The following MIPOL1 variants were observed in gnomAD, a reference collection of about 807,000 sequenced individuals.
The protein encoded by MIPOL1 is mirror-image polydactyly 1.
MIPOL1 carries 57 observed loss-of-function variants against 60.9 expected under a neutral mutation model. That is an observed-to-expected ratio of 0.94 (90% confidence interval 0.76 to 1.17). MIPOL1 has a LOEUF of 1.17. MIPOL1 is among the 50% of genes most tolerant of loss of function. The probability of loss-of-function intolerance (pLI) is 0.00; values close to 1 mark genes in which losing one functional copy is unlikely to be tolerated. For missense variants in MIPOL1, 551 were observed against 511.6 expected (o/e 1.08, Z -0.74); for synonymous variants, 179 against 168.8 (o/e 1.06, Z -0.47).
chr14:37,358,865 T>G (rs1284580415), intron 9 of MIPOL1, among the ~76,000 whole-genome samples: 1 of 152,218 alleles, frequency 6.6e-6, no homozygotes, highest in Non-Finnish European at 1.5e-5. Context: ...ATTTTGGCTT[T>G]TGTTGCCCTT....
At chr14:37,474,832 G>A (rs1467780434) in intron 11 of MIPOL1, among the ~76,000 whole-genome samples, 1 of 152,146 alleles carries the variant, frequency 6.6e-6, no homozygotes, top group East Asian at 1.9e-4. Flanking sequence ...AATAATTAGT[G>A]TGGTAGTATA....
chr14:37,305,310 A>G (rs2086689872), intron 7 of MIPOL1, among the ~76,000 whole-genome samples: 2 of 151,858 alleles, frequency 1.3e-5, no homozygotes, highest in African/African-American at 4.8e-5. Flanking sequence ...GTGCATTAAC[A>G]TCAAAGATCT....
chr14:37,255,676 G>A (rs534359323), intron 3 of MIPOL1, among the ~76,000 whole-genome samples: 1 of 151,802 alleles, frequency 6.6e-6, no homozygotes, highest in Admixed American at 6.6e-5. Flanking sequence ...CAAATTTAGA[G>A]CAAGTCAGGC....
chr14:37,330,504 C>T (rs1197221173), intron 9 of MIPOL1, among the ~76,000 whole-genome samples: 1 of 151,988 alleles, frequency 6.6e-6, no homozygotes, highest in Non-Finnish European at 1.5e-5. Flanking sequence ...AATTAACAGT[C>T]CTCAATATAA....
At chr14:37,289,811 C>T (rs1313842380) in intron 7 of MIPOL1, among the ~76,000 whole-genome samples, 1 of 152,144 alleles carries the variant, frequency 6.6e-6, no homozygotes, top group Non-Finnish European at 1.5e-5. Flanking sequence ...AAAGTCACAA[C>T]GTTTTAATCA....
chr14:37,217,445 AAG>A (rs1296212727), intron 1 of MIPOL1, among the ~76,000 whole-genome samples: 6 of 152,228 alleles, frequency 3.9e-5, no homozygotes, highest in African/African-American at 7.2e-5. Flanking sequence ...ACATCAAAAA[AAG>A]AAAGCCACAG....
At chr14:37,365,260 G>T (rs551567386) in intron 9 of MIPOL1, among the ~76,000 whole-genome samples, 1 of 152,290 alleles carries the variant, frequency 6.6e-6, no homozygotes, top group South Asian at 2.1e-4. Context: ...TAACAGTGGT[G>T]CAAGTGGGCA....
intron 9 of MIPOL1, among the ~76,000 whole-genome samples, chr14:37,366,738 A>C (rs2092482508): frequency 6.6e-6 from 1 of 151,980 alleles, no homozygotes; most frequent in Admixed American, 6.6e-5. Context: ...TCATCTCTGA[A>C]AGTGGGATGT....
chr14:37,522,151 A>G (rs1463541576), intron 12 of MIPOL1, among the ~76,000 whole-genome samples: 4 of 151,954 alleles, frequency 2.6e-5, no homozygotes, highest in African/African-American at 9.7e-5. Context: ...AACAAAACAC[A>G]CCCCACAAAT....
intron 9 of MIPOL1, among the ~76,000 whole-genome samples, chr14:37,359,757 A>G (rs917087512): frequency 2.0e-5 from 3 of 152,216 alleles, no homozygotes; most frequent in African/African-American, 7.2e-5. Flanking sequence ...TAAATATACA[A>G]TCACGTAATC....
At chr14:37,375,452 G>A (rs1447792480) in intron 10 of MIPOL1, among the ~76,000 whole-genome samples, 3 of 151,866 alleles carry the variant, frequency 2.0e-5, no homozygotes, top group East Asian at 1.9e-4. Flanking sequence ...CCCACAGTGC[G>A]GGGATTACAG....
At chr14:37,429,272 A>G (rs2094019242) in intron 11 of MIPOL1, among the ~76,000 whole-genome samples, 1 of 152,160 alleles carries the variant, frequency 6.6e-6, no homozygotes, top group Non-Finnish European at 1.5e-5. Flanking sequence ...GTGCTTCCTT[A>G]TATTTTCTTT....
intron 10 of MIPOL1, among the ~76,000 whole-genome samples, chr14:37,420,427 A>T (rs2093851278): frequency 6.6e-6 from 1 of 152,200 alleles, no homozygotes; most frequent in African/African-American, 2.4e-5. Context: ...TGGGAATAGG[A>T]TGCCTGAAAG....
At chr14:37,394,299 A>G (rs1370676359) in intron 10 of MIPOL1, among the ~76,000 whole-genome samples, 1 of 151,650 alleles carries the variant, frequency 6.6e-6, no homozygotes, top group Non-Finnish European at 1.5e-5. Context: ...TGCTGGATTA[A>G]ATGATAACTC....
intron 10 of MIPOL1, among the ~76,000 whole-genome samples, chr14:37,418,731 C>T (rs1306149729): frequency 6.6e-6 from 1 of 151,958 alleles, no homozygotes; most frequent in East Asian, 1.9e-4. Flanking sequence ...GGAACTACCT[C>T]ATAGGTTGGT....
chr14:37,501,203 G>A (rs1397604577), intron 12 of MIPOL1, among the ~76,000 whole-genome samples: 1 of 152,130 alleles, frequency 6.6e-6, no homozygotes, highest in African/African-American at 2.4e-5. Context: ...ATATATATTT[G>A]TAAGTTTAAA....
At chr14:37,198,666 C>T (rs960415559) in intron 1 of MIPOL1, among the ~76,000 whole-genome samples, 5 of 151,954 alleles carry the variant, frequency 3.3e-5, no homozygotes, top group African/African-American at 1.2e-4. Context: ...ATGGAGGGAA[C>T]AAGACAGCCG....
chr14:37,199,564 G>T lies in MIPOL1; in HGVS notation c.-199+1460G>T, dbSNP rs142539507. ...TTTTGAGATGGAGTCTCGCTCTGCC[G>T]CCAAGGCTGGAGTGCAGTGGCGCGA... On this transcript the variant is annotated intron_variant, in intron 1 of 12. Coordinates refer to ENST00000684589, the MANE Select transcript of MIPOL1 (RefSeq NM_001388067.1). Among the ~76,000 whole-genome samples the T allele has an allele frequency of 7.2e-3, 1,082 of 151,218 alleles. 4 individuals carry two copies. The highest frequency in any genetic ancestry group is 0.012 in the Non-Finnish European group (798 of 67,874).
intron 11 of MIPOL1, among the ~76,000 whole-genome samples, chr14:37,470,207 T>C (rs2094662811): frequency 6.6e-6 from 1 of 152,124 alleles, no homozygotes; most frequent in African/African-American, 2.4e-5. Flanking sequence ...TGGAGATGTT[T>C]ATGAGGTGGT....
Sources: allele counts gnomAD v4.1 joint callset (sites outside exome capture counted in the v4.1 genomes callset), GRCh38; gene constraint gnomAD v4.1.1; transcripts MANE v1.5; gene names NCBI Gene and HGNC (gene_info 2026-07-23, HGNC 2026-07-21).